Variants in GFM2 observed in about 807,000 individuals in gnomAD.
GFM2 encodes ribosome-releasing factor 2, mitochondrial.
In GFM2, 72 loss-of-function variants were observed where a neutral mutation model predicts 95.4. The observed-to-expected ratio is 0.76, with a 90% CI of 0.62 to 0.92. The LOEUF (loss-of-function observed/expected upper bound fraction) is 0.92. Among genes scored for constraint, GFM2 ranks in the 40% least tolerant of loss-of-function variants. The pLI is 0.00. For synonymous variants in GFM2, 276 were observed against 317.5 expected (o/e 0.87, Z 1.39); for missense variants, 825 against 924.1 (o/e 0.89, Z 1.39).
At chr5:74,756,656 AG>A (rs1169421771) in intron 5 of GFM2, among the ~76,000 whole-genome samples, 4 of 135,776 alleles carry the variant, frequency 2.9e-5, no homozygotes, top group Non-Finnish European at 6.1e-5. Context: ...AACAGTGTAA[AG>A]TGTGTGTGTA....
chr5:74,756,469 C>T (rs917279413), intron 5 of GFM2, among the ~76,000 whole-genome samples: 26 of 152,048 alleles, frequency 1.7e-4, no homozygotes, highest in African/African-American at 5.1e-4. Flanking sequence ...CATATTTTTG[C>T]GAATTGTGAT....
intron 16 of GFM2, among the ~76,000 whole-genome samples, chr5:74,732,776 A>G (rs1267316917): frequency 6.6e-6 from 1 of 152,228 alleles, no homozygotes; most frequent in Non-Finnish European, 1.5e-5. Flanking sequence ...AATGGTAAAA[A>G]ATGTTGGGAA....
rs780138908 is a variant in GFM2 at position 74,722,366 on chromosome 5, A to G, written c.2211+13T>C. The G allele has an allele frequency of 6.2e-7, 1 of 1,603,304 alleles. No homozygotes were observed. The highest frequency in any genetic ancestry group is 8.5e-7 in the Non-Finnish European group (1 of 1,171,244). On this transcript the variant is annotated intron_variant, in intron 20 of 20. Transcript: ENST00000296805. ...TAAGAAGAATATGTACTTTTCAGTT[A>G]CAAAGTACCTACCATAATTTCTGCT...
intron 5 of GFM2, among the ~76,000 whole-genome samples, chr5:74,753,014 C>A (rs995850329): frequency 2.0e-5 from 3 of 152,070 alleles, no homozygotes; most frequent in Non-Finnish European, 4.4e-5. Flanking sequence ...TAATCCCCCC[C>A]ACCAAAAATC....
At chr5:74,749,039 T>G (rs1750733211) in intron 7 of GFM2, among the ~76,000 whole-genome samples, 1 of 151,596 alleles carries the variant, frequency 6.6e-6, no homozygotes, top group Non-Finnish European at 1.5e-5. Context: ...AGACAGGGTC[T>G]CACTCTGTTG....
intron 5 of GFM2, among the ~76,000 whole-genome samples, chr5:74,752,445 A>G (rs985806848): frequency 6.6e-6 from 1 of 152,200 alleles, no homozygotes; most frequent in Non-Finnish European, 1.5e-5. Context: ...TAAACACCAG[A>G]GGAGGAAATA....
At chr5:74,764,349 G>C (rs1744432874) in intron 1 of GFM2, among the ~76,000 whole-genome samples, 1 of 152,216 alleles carries the variant, frequency 6.6e-6, no homozygotes, top group African/African-American at 2.4e-5. Flanking sequence ...TAAGGACGCA[G>C]CTGAGACTGG....
At position 74,722,528 on chromosome 5, in the gene GFM2, G is replaced by C; in HGVS notation, c.2062C>G (p.Pro688Ala). ...ACTGTAACCTCAAGATTCATCAGAGGCTCCAAAACTTGCTTATCAGCTTTC... is the reference window on the plus strand; with the variant it reads ...ACTGTAACCTCAAGATTCATCAGAGCCTCCAAAACTTGCTTATCAGCTTTC... ...LKKADKQVLE[P>A]LMNLEVTVAR... is the part of the protein sequence containing the mutation. Residue 688 changes from proline (P) to alanine (A), a missense_variant, in exon 20 of 21, where the codon CCT (proline) becomes GCT (alanine). Physicochemically the swap from Pro to Ala is conservative, Grantham distance 27. Transcript: ENST00000296805. The C allele has an allele frequency of 6.2e-7, 1 of 1,613,156 alleles. No homozygotes were observed. Among genetic ancestry groups the C allele is most frequent in the Non-Finnish European group, 8.5e-7 (1 of 1,179,688 alleles).
chr5:74,734,991 G>T (rs1257397857), intron 15 of GFM2, among the ~76,000 whole-genome samples: 1 of 152,196 alleles, frequency 6.6e-6, no homozygotes, highest in Non-Finnish European at 1.5e-5. Flanking sequence ...AGGTGCTCAT[G>T]CTGCATCTGA....
rs781488424 is a variant in GFM2, at chr5:74,740,001, T to C, written c.1067A>G (p.Asn356Ser). The C allele has an allele frequency of 6.4e-7, 1 of 1,551,646 alleles. No homozygotes were observed. Among genetic ancestry groups the C allele is most frequent in the East Asian group, 2.3e-5 (1 of 42,644 alleles). ...ATTGCATACTTACAGAAATTCATAGTTACGCTCTTCAGGTGAAGGTAAGTA... is the reference window on the plus strand; with the variant it reads ...ATTGCATACTTACAGAAATTCATAGCTACGCTCTTCAGGTGAAGGTAAGTA... ...TMYLPSPEER[N>S]YEFLQWYKDD... is the part of the protein sequence containing the mutation. The change falls in exon 12 of 21, where the codon AAC becomes AGC. Residue 356 changes from asparagine (N) to serine (S), a missense_variant. Coordinates refer to ENST00000296805, the MANE Select transcript of GFM2 (RefSeq NM_032380.5).
Position 74,759,437 on chromosome 5 carries a change from G to A in GFM2, c.149-11C>T, listed in dbSNP as rs772578794. 7 of 1,434,366 alleles carry A rather than the reference G, an allele frequency of 4.9e-6. No individual in the cohort carries two copies. The highest frequency in any genetic ancestry group is 5.8e-6 in the Non-Finnish European group (6 of 1,033,754). 88.9% of individuals were successfully genotyped at this position (1,434,366 alleles called of 1,614,324 possible). A position where few individuals can be genotyped will look rare whatever the true frequency, so the allele number is the denominator to read the frequency against. On this transcript the variant is annotated splice_polypyrimidine_tract_variant and intron_variant, in intron 3 of 20. Transcript: ENST00000296805. ...CATTTCCTATTAAGCCTAATGAAAA[G>A]AAAGTTAAAATTGAACTGTTACATT...
intron 12 of GFM2, 69 bp from the exon 13 acceptor site, chr5:74,738,711 T>C: frequency 6.9e-7 from 1 of 1,443,958 alleles, no homozygotes. Flanking sequence ...TTAACCTTAA[T>C]GTCCCCAAAG....
At chr5:74,747,615 T>A in intron 8 of GFM2, 77 bp downstream of exon 8, 1 of 815,490 alleles carries the variant, frequency 1.2e-6, no homozygotes, top group Non-Finnish European at 2.0e-6. Flanking sequence ...TAGCTATTCC[T>A]AAATTTAAGT....
rs1742935308 is a variant in GFM2 at position 74,738,362 on chromosome 5, A to G, written c.1276T>C (p.Ser426Pro). The G allele has an allele frequency of 6.2e-7, 1 of 1,613,542 alleles. No individual in the cohort carries two copies. The highest frequency in any genetic ancestry group is 1.7e-5 in the Admixed American group (1 of 59,972). ...AAAGCAATGTTACCAGCAGTCAATG[A>G]AGGGATTTCTACATGTTGGTCAGCA... ...PFADQHVEIPSLTAGNIALTV... is the reference protein window; with the variant it reads ...PFADQHVEIPPLTAGNIALTV... The change falls in exon 14 of 21, where the codon TCA becomes CCA. Residue 426 changes from serine to proline, a missense_variant. Transcript: ENST00000296805.
rs1255136849 is a variant in GFM2 at position 74,758,835 on chromosome 5, G to A, written c.304+14C>T. ...GCTAATGGGGGGGTGGGAAGAGGAG[G>A]AATCCATTCTAACCTCCCAGTGATC... On this transcript the variant is annotated intron_variant, in intron 5 of 20. Transcript: ENST00000296805. 1 of 1,489,728 alleles carries A rather than the reference G, an allele frequency of 6.7e-7. No homozygotes were observed. Among genetic ancestry groups the A allele is most frequent in the Admixed American group, 1.7e-5 (1 of 58,672 alleles). 92.3% of individuals were successfully genotyped at this position (1,489,728 alleles called of 1,614,324 possible). A position where few individuals can be genotyped will look rare whatever the true frequency, so the allele number is the denominator to read the frequency against.
chr5:74,758,947 C>G lies in GFM2; in HGVS notation c.207-1G>C. The stretch of plus-strand genomic sequence containing the variant: ...AGCCATAATTCCAATATTACGGATT[C>G]TGTTTAAAAGGAAAAAATAAGGTAA... On this transcript the variant is annotated splice_acceptor_variant, in intron 4 of 20. Transcript: ENST00000296805. LOFTEE classifies it high-confidence loss of function. The G allele has an allele frequency of 6.3e-7, 1 of 1,586,120 alleles. No homozygotes were observed.
rs377321462 is a variant in GFM2 at position 74,736,919 on chromosome 5, G to A, written c.1387C>T (p.Arg463Trp). Residue 463 changes from arginine to tryptophan, a missense_variant, in exon 15 of 21, where the codon CGG becomes TGG. Transcript: ENST00000296805. ...TGTCTGTGCTTCTTTTCTCCCTCCC[G>A]TTCGGCTCTACGAGCTGCAGCTAAT... is the stretch of plus-strand genomic sequence containing the variant. ...SALAAARRAE[R>W]EGEKKHRQNN... 9.1e-5 allele frequency: 147 copies of A among 1,613,490 alleles called. No individual in the cohort carries two copies. Among genetic ancestry groups the A allele is most frequent in the African/African-American group, 2.0e-4 (15 of 74,844 alleles).
At position 74,723,562 on chromosome 5, in the gene GFM2, T is replaced by C. The variant is rs16872221; in HGVS notation, c.2029-1001A>G. 2.1e-3 allele frequency among the ~76,000 whole-genome samples: 320 copies of C among 152,322 alleles called. 2 individuals carry two copies. The highest frequency in any genetic ancestry group is 4.7e-3 in the Admixed American group (72 of 15,302). On this transcript the variant is annotated intron_variant, in intron 19 of 20. Transcript: ENST00000296805. ...CCTGTCCTCTACTATCTCTTCCCTA[T>C]TCAAATCCCTTCTGTACTTTGATAC... is the stretch of plus-strand genomic sequence containing the variant.
intron 1 of GFM2, among the ~76,000 whole-genome samples, chr5:74,765,401 A>T (rs535821175): frequency 2.6e-5 from 4 of 152,300 alleles, no homozygotes; most frequent in Admixed American, 2.6e-4. Context: ...TAACGAATAC[A>T]ATACATAGTC....
Sources: gnomAD v4.1 joint callset for allele counts (sites outside exome capture counted in the v4.1 genomes callset) on GRCh38, gnomAD v4.1.1 for gene constraint, MANE v1.5 for transcripts, NCBI Gene and HGNC (gene_info 2026-07-23, HGNC 2026-07-21) for gene names.